Variants in CPZ observed in about 807,000 individuals in gnomAD.
CPZ encodes VEZT/CPZ fusion.
A neutral mutation model predicts 61.8 loss-of-function variants in CPZ; 103 were observed. That is an observed-to-expected ratio of 1.67 (90% CI 1.42 to 1.96). CPZ has a LOEUF of 1.96. CPZ is among the 30% of genes most tolerant of loss of function. CPZ has a pLI of 0.00. For synonymous variants in CPZ, 551 were observed against 373.7 expected (o/e 1.47, Z -5.47); for missense variants, 1,461 against 914.9 (o/e 1.60, Z -7.70).
At chr4:8,615,163 A>T (rs1315913072) in intron 9 of CPZ, among the ~76,000 whole-genome samples, 1 of 151,076 alleles carries the variant, frequency 6.6e-6, no homozygotes, top group Non-Finnish European at 1.5e-5. Context: ...AGGGGTGACT[A>T]CTATCGTGAG....
chr4:8,609,198 C>CCTCATTCACTTACTCATTCACTCA (rs1203376264), intron 7 of CPZ, among the ~76,000 whole-genome samples: 2 of 137,722 alleles, frequency 1.5e-5, no homozygotes, highest in Non-Finnish European at 3.1e-5. Context: ...TCACTCACTC[C>CCTCATTCACTTACTCATTCACTCA]CTCACTCACT....
chr4:8,606,980 T>C (rs1177456905), intron 6 of CPZ, 82 bp downstream of exon 6: 2 of 1,450,032 alleles, frequency 1.4e-6, no homozygotes, highest in East Asian at 2.5e-5. Context: ...GGAGTTGTCC[T>C]TCCCTGGGGA....
At chr4:8,611,129 C>T (rs569706872) in intron 7 of CPZ, 39 of 428,212 alleles carry the variant, frequency 9.1e-5, no homozygotes, top group Non-Finnish European at 1.8e-4. Context: ...TGCCTGTCCA[C>T]CCTCTAGTGT....
chr4:8,608,044 T>TG (rs1715192863), intron 7 of CPZ, among the ~76,000 whole-genome samples: 1 of 145,278 alleles, frequency 6.9e-6, no homozygotes, highest in Non-Finnish European at 1.5e-5. Flanking sequence ...GACGACCTGC[T>TG]GGGGGAGGGC....
intron 5 of CPZ, among the ~76,000 whole-genome samples, 179 bp from the exon 6 acceptor site, chr4:8,606,558 G>A (rs138293094): frequency 6.6e-6 from 1 of 152,168 alleles, no homozygotes; most frequent in Non-Finnish European, 1.5e-5. Context: ...TGTGACATCA[G>A]CAAGGAGCCC....
intron 4 of CPZ, 93 bp from the exon 5 acceptor site, chr4:8,605,896 C>G: frequency 1.6e-6 from 2 of 1,257,370 alleles, no homozygotes; most frequent in South Asian, 1.4e-5. Context: ...TGGTCCCAGC[C>G]CATCTGGTCA....
At chr4:8,610,534 C>G (rs1715563421) in intron 7 of CPZ, among the ~76,000 whole-genome samples, 1 of 150,596 alleles carries the variant, frequency 6.6e-6, no homozygotes, top group African/African-American at 2.4e-5. Context: ...CTTGTCCCAC[C>G]CTCCTACCCC....
intron 9 of CPZ, among the ~76,000 whole-genome samples, chr4:8,617,725 T>G (rs960270823): frequency 1.3e-5 from 2 of 152,182 alleles, no homozygotes; most frequent in South Asian, 4.1e-4. Context: ...ATCCTGGTCC[T>G]GCTCAGCGTG....
chr4:8,608,259 G>A (rs1715220328), intron 7 of CPZ, among the ~76,000 whole-genome samples: 1 of 151,968 alleles, frequency 6.6e-6, no homozygotes, highest in Non-Finnish European at 1.5e-5. Flanking sequence ...ATGGCCCAGA[G>A]TCGCTCCCCA....
In CPZ at chr4:8,619,342, A is replaced by C; in HGVS notation, c.1684A>C (p.Ile562Leu). 1.9e-6 allele frequency: 3 copies of C among 1,614,198 alleles called. No individual in the cohort carries two copies. The highest frequency in any genetic ancestry group is 2.5e-6 in the Non-Finnish European group (3 of 1,180,004). Residue 562 changes from isoleucine (I) to leucine (L), a missense_variant, in exon 11 of 11, where the codon ATC becomes CTC. Coordinates refer to ENST00000360986, the MANE Select transcript of CPZ (RefSeq NM_001014447.3). Reference sequence around the variant, plus strand: ...CCAAGCCCCTGGCTACGCCAAAGTCATCAAGAAAGTCATCATCCCCGCCCG... The same window carrying C: ...CCAAGCCCCTGGCTACGCCAAAGTCCTCAAGAAAGTCATCATCCCCGCCCG... ...IAQAPGYAKV[I>L]KKVIIPARMK...
intron 3 of CPZ, 177 bp from the exon 4 acceptor site, chr4:8,603,799 G>A (rs1336639614): frequency 2.2e-5 from 14 of 625,734 alleles, no homozygotes; most frequent in East Asian, 5.5e-5. Context: ...CTCAGGTGCC[G>A]TTTGGCTTAG....
chr4:8,604,213 C>T (rs1049510754), intron 4 of CPZ, 25 bp downstream of exon 4: 1 of 1,504,656 alleles, frequency 6.6e-7, no homozygotes, highest in South Asian at 1.3e-5. Context: ...GAGAGCCTGG[C>T]CTGGCCCCGT....
intron 9 of CPZ, chr4:8,618,166 T>G: frequency 6.4e-6 from 3 of 469,346 alleles, no homozygotes; most frequent in South Asian, 2.3e-5. Flanking sequence ...AGAGATGGAG[T>G]CAGCCAGGCC....
At chr4:8,612,201 G>A (rs773422990) in intron 8 of CPZ, 39 bp downstream of exon 8, 2 of 345,314 alleles carry the variant, frequency 5.8e-6, no homozygotes, top group Non-Finnish European at 9.7e-6. Context: ...GGGGGGTGGG[G>A]GGTGCAGGGG....
At chr4:8,610,065 C>G (rs1715522176) in intron 7 of CPZ, among the ~76,000 whole-genome samples, 1 of 152,234 alleles carries the variant, frequency 6.6e-6, no homozygotes, top group South Asian at 2.1e-4. Context: ...CAACCCCTTT[C>G]TGGCTTTGCC....
intron 8 of CPZ, among the ~76,000 whole-genome samples, chr4:8,612,689 C>T (rs910170141): frequency 6.6e-6 from 1 of 152,174 alleles, no homozygotes; most frequent in East Asian, 1.9e-4. Context: ...TGCACAGGAG[C>T]AATATAATGG....
Position 8,607,438 on chromosome 4 carries a change from T to C in CPZ, c.1227+13T>C, listed in dbSNP as rs758587325. Reference sequence around the variant, plus strand: ...GCCCGACGAGAAGGTGAGAGGGCTGTCGGGTGTGTGCAGGGGAGGGAGACA... The same window carrying C: ...GCCCGACGAGAAGGTGAGAGGGCTGCCGGGTGTGTGCAGGGGAGGGAGACA... On this transcript the variant is annotated intron_variant, in intron 7 of 10. Coordinates refer to ENST00000360986, the MANE Select transcript of CPZ (RefSeq NM_001014447.3). 6.2e-7 allele frequency: 1 copy of C among 1,613,240 alleles called. No homozygotes were observed. The highest frequency in any genetic ancestry group is 1.7e-5 in the Admixed American group (1 of 59,974).
At chr4:8,600,350 C>T (rs1294116705) in intron 2 of CPZ, among the ~76,000 whole-genome samples, 3 of 152,262 alleles carry the variant, frequency 2.0e-5, no homozygotes, top group African/African-American at 7.2e-5. Flanking sequence ...TGAGACGTGG[C>T]AAAATGTCAT....
At chr4:8,599,682 G>T (rs1446898256) in intron 2 of CPZ, 197 bp downstream of exon 2, 1 of 1,405,394 alleles carries the variant, frequency 7.1e-7, no homozygotes, top group Non-Finnish European at 9.4e-7. Context: ...CTAGGAAAAG[G>T]TGCACCAGCT....
Sources: allele counts gnomAD v4.1 joint callset (sites outside exome capture counted in the v4.1 genomes callset), GRCh38; gene constraint gnomAD v4.1.1; transcripts MANE v1.5; gene names NCBI Gene and HGNC (gene_info 2026-07-23, HGNC 2026-07-21).